The following TENM2 variants were observed in gnomAD, a reference collection of about 807,000 sequenced individuals.
TENM2 encodes the protein teneurin transmembrane protein 2, also known as teneurin-2.
In TENM2, 52 loss-of-function variants were observed where a neutral mutation model predicts 245.2. The ratio of observed to expected loss-of-function variants is 0.21; its 90% CI spans 0.17 to 0.27. The LOEUF (loss-of-function observed/expected upper bound fraction) is 0.27, where lower values mean the gene tolerates loss of function less well. TENM2 is among the 10% of genes least tolerant of loss of function. TENM2 has a pLI of 1.00. For synonymous variants in TENM2, 1,363 were observed against 1,438.9 expected, an observed-to-expected ratio of 0.95 and a Z score of 1.19; for missense variants, 3,046 against 3,666.8, an observed-to-expected ratio of 0.83 and a Z score of 4.37.
At chr5:167,221,071 G>A in the TENM2 span, among the ~76,000 whole-genome samples, 1 of 152,044 alleles carries the variant, frequency 6.6e-6, no homozygotes, top group Admixed American at 6.6e-5. Flanking sequence ...CAGGTGATCC[G>A]CACACCTTGG....
chr5:167,800,415 G>T (rs1373088652), intron 2 of TENM2, among the ~76,000 whole-genome samples: 1 of 152,134 alleles, frequency 6.6e-6, no homozygotes, highest in East Asian at 1.9e-4. Flanking sequence ...GATGTGATAG[G>T]ATTCATTTCT....
At chr5:167,212,532 G>C in the TENM2 span, among the ~76,000 whole-genome samples, 1 of 152,206 alleles carries the variant, frequency 6.6e-6, no homozygotes, top group Non-Finnish European at 1.5e-5. Context: ...CACCGTCCCT[G>C]TAGAGCTTTT....
At chr5:168,233,053 C>A (rs965072979) in intron 25 of TENM2, among the ~76,000 whole-genome samples, 1 of 152,194 alleles carries the variant, frequency 6.6e-6, no homozygotes, top group African/African-American at 2.4e-5. Flanking sequence ...GCAGGCCGGG[C>A]GTGGTGTCTC....
At chr5:168,142,471 C>T (rs537061081) in intron 12 of TENM2, among the ~76,000 whole-genome samples, 3 of 152,244 alleles carry the variant, frequency 2.0e-5, no homozygotes, top group South Asian at 2.1e-4. Flanking sequence ...ACAATTTCAG[C>T]GTTATAAAGT....
At chr5:168,139,080 G>A (rs1755311287) in intron 12 of TENM2, among the ~76,000 whole-genome samples, 3 of 152,186 alleles carry the variant, frequency 2.0e-5, no homozygotes, top group Admixed American at 2.0e-4. Flanking sequence ...TCCCAAGGAG[G>A]TCAATATAAG....
intron 2 of TENM2, among the ~76,000 whole-genome samples, chr5:167,618,510 C>T (rs540644482): frequency 6.6e-6 from 1 of 152,252 alleles, no homozygotes; most frequent in African/African-American, 2.4e-5. Flanking sequence ...TCCAGAGTGA[C>T]TCTAATGTGC....
chr5:167,048,026 C>T, the TENM2 span, among the ~76,000 whole-genome samples: 1 of 152,148 alleles, frequency 6.6e-6, no homozygotes, highest in East Asian at 1.9e-4. Context: ...AGTAATGCCA[C>T]TCTGATATTG....
At chr5:167,996,369 G>A (rs1308989685) in intron 5 of TENM2, among the ~76,000 whole-genome samples, 2 of 152,094 alleles carry the variant, frequency 1.3e-5, no homozygotes, top group Non-Finnish European at 2.9e-5. Flanking sequence ...AAACATCCTG[G>A]AATAAATTAC....
At chr5:167,273,975 C>A in the TENM2 span, among the ~76,000 whole-genome samples, 1 of 152,008 alleles carries the variant, frequency 6.6e-6, no homozygotes, top group Admixed American at 6.6e-5. Flanking sequence ...ACAGAGATAT[C>A]CAATGGGCAA....
the TENM2 span, among the ~76,000 whole-genome samples, chr5:167,181,233 A>G: frequency 6.6e-6 from 1 of 152,212 alleles, no homozygotes; most frequent in Non-Finnish European, 1.5e-5. Flanking sequence ...GGTTGGCCTG[A>G]TTTTCCCTGA....
intron 7 of TENM2, among the ~76,000 whole-genome samples, chr5:168,078,922 T>A (rs1278871918): frequency 6.6e-6 from 1 of 152,224 alleles, no homozygotes; most frequent in East Asian, 1.9e-4. Context: ...GGCTCTTTTT[T>A]GGTTCCATAT....
intron 1 of TENM2, among the ~76,000 whole-genome samples, chr5:167,320,701 T>C (rs1417174421): frequency 6.6e-6 from 1 of 152,164 alleles, no homozygotes; most frequent in Non-Finnish European, 1.5e-5. Context: ...CCTTCCAACA[T>C]GTTGATGACA....
At chr5:167,638,331 A>G in intron 2 of TENM2, among the ~76,000 whole-genome samples, 1 of 152,190 alleles carries the variant, frequency 6.6e-6, no homozygotes, top group Non-Finnish European at 1.5e-5. Context: ...GGCACAAATA[A>G]TCACTTAATT....
At position 168,226,085 on chromosome 5, in the gene TENM2, C is replaced by T. The variant is rs757203941; in HGVS notation, c.5109-3C>T. The T allele has an allele frequency of 5.0e-6, 8 of 1,612,172 alleles. No individual in the cohort carries two copies. The highest frequency in any genetic ancestry group is 5.1e-6 in the Non-Finnish European group (6 of 1,179,428). On this transcript the variant is annotated splice_polypyrimidine_tract_variant and splice_region_variant and intron_variant, in intron 23 of 28. Transcript: ENST00000518659. ...GTTTATCTATCTATCTATCTCCCCC[C>T]AGCTATGACCACGAAGGCCGCCTGA... is the stretch of plus-strand genomic sequence containing the variant.
chr5:167,287,162 G>A (rs1398297239), intron 1 of TENM2, among the ~76,000 whole-genome samples: 2 of 152,172 alleles, frequency 1.3e-5, no homozygotes, highest in Non-Finnish European at 2.9e-5. Context: ...ACTTTGATGG[G>A]TTCTAAAATT....
rs559187704 is a variant in TENM2 at position 168,235,654 on chromosome 5, A to C, written c.5520+7524A>C. On this transcript the variant is annotated intron_variant, in intron 25 of 28. Coordinates refer to ENST00000518659, the Ensembl canonical transcript of TENM2. ...AAACCCCATCTCTACTAAAAATACA[A>C]AAATTAGCCAGGTGTGGTGCGGCAC... 2.0e-3 allele frequency among the ~76,000 whole-genome samples: 305 copies of C among 152,266 alleles called. 1 individual carries two copies. The highest frequency in any genetic ancestry group is 3.5e-3 in the Non-Finnish European group (240 of 68,030).
chr5:168,035,760 C>T (rs6897051), intron 5 of TENM2, among the ~76,000 whole-genome samples: 29,996 of 152,104 alleles, frequency 0.2, 3,169 homozygotes, highest in South Asian at 0.29. Context: ...GTCCTAACTA[C>T]AGGACCTTGC....
In TENM2 at chr5:167,550,699, A is replaced by AGTGTGT. The variant is rs10581183; in HGVS notation, c.502+175272_502+175277dup. 2.0e-3 allele frequency among the ~76,000 whole-genome samples: 223 copies of AGTGTGT among 114,162 alleles called. 3 individuals carry two copies. The highest frequency in any genetic ancestry group is 2.9e-3 in the Non-Finnish European group (165 of 56,314). The allele number at this position is 114,162 out of a possible 152,430, so 74.9% of individuals were successfully genotyped here. ...AATTACCTTTTTTTTTGTTGTTGTT[A>AGTGTGT]GTGTGTGTGTGTGTGTGTGTGTGTG... On this transcript the variant is annotated intron_variant, in intron 2 of 28. Transcript: ENST00000518659.
At chr5:167,391,623 A>C (rs986008392) in intron 2 of TENM2, among the ~76,000 whole-genome samples, 8 of 57,740 alleles carry the variant, frequency 1.4e-4, no homozygotes, top group Non-Finnish European at 2.3e-4. Context: ...AGACTTCATC[A>C]AAAAAAAAAA....
Sources: gnomAD v4.1 joint callset for allele counts (sites outside exome capture counted in the v4.1 genomes callset) on GRCh38, gnomAD v4.1.1 for gene constraint, MANE v1.5 for transcripts, NCBI Gene and HGNC (gene_info 2026-07-23, HGNC 2026-07-21) for gene names.